Variants in STK4 observed in about 807,000 individuals in gnomAD.
STK4 encodes serine/threonine-protein kinase 4.
Under a neutral mutation model 64.9 loss-of-function variants are expected in STK4, and 30 were observed. That is an observed-to-expected ratio of 0.46 (90% CI 0.35 to 0.63). The LOEUF is 0.63. Ranked by LOEUF, STK4 falls within the 20% of genes least tolerant of loss-of-function variation. STK4 has a pLI of 0.01. For missense variants in STK4, 466 were observed against 598.5 expected, an observed-to-expected ratio of 0.78 and a Z score of 2.31; for synonymous variants, 177 against 199.0, an observed-to-expected ratio of 0.89 and a Z score of 0.93.
chr20:44,978,646 G>A, intron 3 of STK4, 75 bp downstream of exon 3: 1 of 1,478,142 alleles, frequency 6.8e-7, no homozygotes, highest in East Asian at 2.4e-5. Flanking sequence ...TTGATACCTA[G>A]AGACACATTT....
At chr20:44,972,000 T>G (rs2067256023) in intron 1 of STK4, 78 bp from the exon 2 acceptor site, 2 of 1,396,402 alleles carry the variant, frequency 1.4e-6, no homozygotes, top group African/African-American at 2.9e-5. Flanking sequence ...AGATGCTAAT[T>G]ATAAAAAAAA....
intron 10 of STK4, among the ~76,000 whole-genome samples, chr20:45,073,361 A>G (rs570135022): frequency 1.1e-4 from 16 of 152,038 alleles, no homozygotes; most frequent in South Asian, 2.1e-4. Flanking sequence ...GGGTTTTCTC[A>G]CTTCTCAGAC....
chr20:45,068,977 T>A (rs1979823490), intron 10 of STK4, among the ~76,000 whole-genome samples: 1 of 152,200 alleles, frequency 6.6e-6, no homozygotes, highest in Admixed American at 6.5e-5. Flanking sequence ...TTTCCAGAGA[T>A]CACATCTTTT....
intron 9 of STK4, among the ~76,000 whole-genome samples, chr20:45,012,325 C>T (rs1030520005): frequency 6.6e-6 from 1 of 152,160 alleles, no homozygotes; most frequent in Non-Finnish European, 1.5e-5. Context: ...TGAGCCACTG[C>T]ACCCGGCCTC....
At chr20:45,011,823 A>T (rs1359996960) in intron 9 of STK4, among the ~76,000 whole-genome samples, 1 of 149,176 alleles carries the variant, frequency 6.7e-6, no homozygotes, top group African/African-American at 2.5e-5. Flanking sequence ...TTCCTGATAT[A>T]GATCAGGAAT....
chr20:45,020,391 T>A (rs2068221547), intron 9 of STK4, among the ~76,000 whole-genome samples: 1 of 152,070 alleles, frequency 6.6e-6, no homozygotes, highest in South Asian at 2.1e-4. Flanking sequence ...AACCTAAGTT[T>A]CCAAAGAATA....
intron 10 of STK4, among the ~76,000 whole-genome samples, chr20:45,051,149 A>G (rs1371261297): frequency 6.6e-6 from 1 of 152,234 alleles, no homozygotes; most frequent in Admixed American, 6.5e-5. Flanking sequence ...TTTTGGCATT[A>G]ACCTTAATGC....
intron 10 of STK4, among the ~76,000 whole-genome samples, chr20:45,032,923 C>T (rs1285799579): frequency 3.3e-5 from 5 of 152,290 alleles, no homozygotes; most frequent in East Asian, 1.9e-4. Context: ...TCTGCAACCT[C>T]GCCAGCATCT....
intron 8 of STK4, 125 bp downstream of exon 8, chr20:45,000,645 A>G: frequency 7.1e-7 from 1 of 1,401,810 alleles, no homozygotes; most frequent in Non-Finnish European, 9.8e-7. Context: ...CAGCATAACT[A>G]TGTCCTAACC....
In STK4 at chr20:45,075,718, C is replaced by G. The variant is rs1980462382; in HGVS notation, c.*542C>G. The G allele has an allele frequency of 6.5e-6, 1 of 152,768 alleles. No individual in the cohort carries two copies. Among genetic ancestry groups the G allele is most frequent in the Non-Finnish European group, 1.5e-5 (1 of 68,218 alleles). 9.5% of individuals were successfully genotyped at this position (152,768 alleles called of 1,614,324 possible). A position where few individuals can be genotyped will look rare whatever the true frequency, so the allele number is the denominator to read the frequency against. On this transcript the variant is annotated 3_prime_UTR_variant, in exon 11 of 11. Transcript: ENST00000372806. ...GTCACTGAATCCCAGGAGCCAACCTCCCCCTTTGCAGGGCTGCATTTAAAA... is the reference window on the plus strand; with the variant it reads ...GTCACTGAATCCCAGGAGCCAACCTGCCCCTTTGCAGGGCTGCATTTAAAA...
chr20:44,985,553 G>C (rs1189713626), intron 4 of STK4, among the ~76,000 whole-genome samples: 2 of 152,100 alleles, frequency 1.3e-5, no homozygotes, highest in Non-Finnish European at 2.9e-5. Flanking sequence ...ATGTTGGCCA[G>C]GCTGGTCTTG....
At chr20:44,992,779 T>G (rs1228097713) in intron 5 of STK4, among the ~76,000 whole-genome samples, 1 of 152,044 alleles carries the variant, frequency 6.6e-6, no homozygotes, top group Non-Finnish European at 1.5e-5. Flanking sequence ...ACTGTAACCT[T>G]CACCTCCCAG....
intron 10 of STK4, among the ~76,000 whole-genome samples, chr20:45,034,768 T>A (rs986443140): frequency 2.6e-5 from 4 of 151,750 alleles, no homozygotes; most frequent in Non-Finnish European, 4.4e-5. Context: ...GGAAAAAAAA[T>A]TAGCTGGGCT....
At chr20:44,985,135 A>G (rs1008685982) in intron 4 of STK4, among the ~76,000 whole-genome samples, 1 of 152,174 alleles carries the variant, frequency 6.6e-6, no homozygotes, top group Non-Finnish European at 1.5e-5. Flanking sequence ...CTACCTTGCC[A>G]GTAGTGTTTG....
At chr20:45,050,189 T>G (rs1423822208) in intron 10 of STK4, among the ~76,000 whole-genome samples, 1 of 152,124 alleles carries the variant, frequency 6.6e-6, no homozygotes, top group African/African-American at 2.4e-5. Context: ...GTGTGGGGAC[T>G]GGGAAAGGGG....
At chr20:44,995,009 C>CTT in intron 5 of STK4, 81 bp from the exon 6 acceptor site, 3 of 924,078 alleles carry the variant, frequency 3.2e-6, no homozygotes, top group Non-Finnish European at 2.8e-6. Context: ...TTTTTTTCTT[C>CTT]TTTTTTTCTC....
intron 10 of STK4, among the ~76,000 whole-genome samples, chr20:45,050,343 C>T (rs2068758600): frequency 6.6e-6 from 1 of 152,162 alleles, no homozygotes. Context: ...TTGTCTTTGC[C>T]AGTCTCTCAA....
At chr20:45,074,969 GC>G in intron 10 of STK4, 48 bp from the exon 11 acceptor site, 1 of 1,609,824 alleles carries the variant, frequency 6.2e-7, no homozygotes, top group Non-Finnish European at 8.5e-7. Flanking sequence ...GCACTGTTCT[GC>G]CACTGACTTA....
intron 5 of STK4, among the ~76,000 whole-genome samples, chr20:44,989,806 T>G (rs929281686): frequency 1.3e-5 from 2 of 152,246 alleles, no homozygotes; most frequent in Admixed American, 6.5e-5. Context: ...TATGTTGATA[T>G]GTAGTTGTTC....
Sources: allele counts gnomAD v4.1 joint callset (sites outside exome capture counted in the v4.1 genomes callset), GRCh38; gene constraint gnomAD v4.1.1; transcripts MANE v1.5; gene names NCBI Gene and HGNC (gene_info 2026-07-23, HGNC 2026-07-21).